Variants in KASH5 observed in about 807,000 individuals in gnomAD.
The protein encoded by KASH5 is KASH domain containing 5.
In KASH5, 72 loss-of-function variants were observed where a neutral mutation model predicts 84.2. The ratio of observed to expected loss-of-function variants is 0.85; its 90% CI spans 0.71 to 1.04. The LOEUF (loss-of-function observed/expected upper bound fraction) is 1.04. Ranked by LOEUF, KASH5 falls within the 50% of genes least tolerant of loss-of-function variation. The pLI, the probability that KASH5 is intolerant of heterozygous loss-of-function variation, is 0.00. For missense variants in KASH5, 650 were observed against 701.0 expected, an observed-to-expected ratio of 0.93 and a Z score of 0.82; for synonymous variants, 260 against 279.1, an observed-to-expected ratio of 0.93 and a Z score of 0.68.
In KASH5 at chr19:49,395,305, A is replaced by G. The variant is rs755047533; in HGVS notation, c.335+13A>G. The stretch of plus-strand genomic sequence containing the variant: ...GTCAACTACATGGGTGAGTCCCCAC[A>G]TCTTCATCCTCCTCTGGGAAGTCCT... On this transcript the variant is annotated intron_variant, in intron 4 of 19. Transcript: ENST00000447857. This position sits in a 1 kb window ranked among gnomAD's most constrained non-coding sequence, Gnocchi z 4.4. 6.2e-7 allele frequency: 1 copy of G among 1,608,736 alleles called. No homozygotes were observed. Among genetic ancestry groups the G allele is most frequent in the East Asian group, 2.2e-5 (1 of 44,822 alleles).
Position 49,395,804 on chromosome 19 carries a change from G to A in KASH5, c.371G>A (p.Gly124Glu). 3 of 1,565,730 alleles carry A rather than the reference G, an allele frequency of 1.9e-6. No homozygotes were observed. The highest frequency in any genetic ancestry group is 2.6e-6 in the Non-Finnish European group (3 of 1,155,198). The change falls in exon 5 of 20, where the codon GGA (glycine) becomes GAA (glutamate). Residue 124 changes from glycine to glutamate, a missense_variant. Transcript: ENST00000447857. This position sits in a 1 kb window ranked among gnomAD's most constrained non-coding sequence, Gnocchi z 4.4. ...LELEEETAFQ[G>E]ALTSRQLPSG... Reference sequence around the variant, plus strand: ...CTGGAAGAGGAGACCGCCTTCCAGGGAGCCCTGACCTCCCGGCAACTGCCA... The same window carrying A: ...CTGGAAGAGGAGACCGCCTTCCAGGAAGCCCTGACCTCCCGGCAACTGCCA...
At chr19:49,403,279 A>C (rs961578204) in intron 9 of KASH5, among the ~76,000 whole-genome samples, 1 of 152,116 alleles carries the variant, frequency 6.6e-6, no homozygotes, top group Admixed American at 6.5e-5. Flanking sequence ...AGGCTGAGGC[A>C]GGAGAATGTC....
At position 49,416,921 on chromosome 19, in the gene KASH5, A is replaced by ACT; in HGVS notation, c.1375-93_1375-92dup. 7.9e-7 allele frequency: 1 copy of ACT among 1,268,638 alleles called. No individual in the cohort carries two copies. 78.6% of individuals were successfully genotyped at this position (1,268,638 alleles called of 1,614,324 possible). The stretch of plus-strand genomic sequence containing the variant: ...ACTCACTTATCTCCTGAGCTCCACC[A>ACT]CTTTCTATGTGGCCACTTGTGTCCA... On this transcript the variant is annotated intron_variant, in intron 17 of 19. Transcript: ENST00000447857. The surrounding 1 kb of genome is among the most constrained non-coding windows in gnomAD (Gnocchi z 5.4).
Position 49,412,916 on chromosome 19 carries a change from G to A in KASH5, c.1270-52G>A. On this transcript the variant is annotated intron_variant, in intron 15 of 19. Transcript: ENST00000447857. The surrounding 1 kb of genome is among the most constrained non-coding windows in gnomAD (Gnocchi z 4.6). ...GGAGACAGTGGGCACTGTTAGGGTT[G>A]GAGCTTTGAGTGAGAAGAATCAGAG... The A allele has an allele frequency of 1.3e-6, 2 of 1,589,800 alleles. No individual in the cohort carries two copies. Among genetic ancestry groups the A allele is most frequent in the Non-Finnish European group, 1.7e-6 (2 of 1,160,476 alleles).
Position 49,394,575 on chromosome 19 carries a change from G to A in KASH5, c.143G>A (p.Arg48Lys). The change falls in exon 3 of 20, where the codon AGG becomes AAG. Residue 48 changes from arginine (R) to lysine (K), a missense_variant. By Grantham distance (26) the Arg-to-Lys change is conservative (BLOSUM62 2). Coordinates refer to ENST00000447857, the MANE Select transcript of KASH5 (RefSeq NM_144688.5). Reference sequence around the variant, plus strand: ...ACGTTCGAAGCTTGTGACCCTCAGAGGACAGGTGGTGGGGGCATGAGGGGT... The same window carrying A: ...ACGTTCGAAGCTTGTGACCCTCAGAAGACAGGTGGTGGGGGCATGAGGGGT... ...NSTFEACDPQ[R>K]TGTVAVAQVL... The A allele has an allele frequency of 6.2e-7, 1 of 1,613,024 alleles. No individual in the cohort carries two copies. Among genetic ancestry groups the A allele is most frequent in the Non-Finnish European group, 8.5e-7 (1 of 1,179,310 alleles).
chr19:49,406,828 G>A lies in KASH5; in HGVS notation c.799-58G>A, dbSNP rs964478614. 4 of 1,468,846 alleles carry A rather than the reference G, an allele frequency of 2.7e-6. No homozygotes were observed. In the African/African-American group the frequency reaches 5.6e-5, roughly 21 times the overall value. 91.0% of individuals were successfully genotyped at this position (1,468,846 alleles called of 1,614,324 possible). A position where few individuals can be genotyped will look rare whatever the true frequency, so the allele number is the denominator to read the frequency against. On this transcript the variant is annotated intron_variant, in intron 9 of 19. Coordinates refer to ENST00000447857, the MANE Select transcript of KASH5 (RefSeq NM_144688.5). ...ATCAAGTGTTTAGCAAATATCTGCT[G>A]TTAATTTTGACATTACCACTTGCTG...
rs1262720013 is a variant in KASH5, at chr19:49,412,896, C to T, written c.1270-72C>T. On this transcript the variant is annotated intron_variant, in intron 15 of 19. Transcript: ENST00000447857. This position sits in a 1 kb window ranked among gnomAD's most constrained non-coding sequence, Gnocchi z 4.6. ...TGGGGTCTGGGACCGGCGGGGGAGA[C>T]AGTGGGCACTGTTAGGGTTGGAGCT... 13 of 1,476,974 alleles carry T rather than the reference C, an allele frequency of 8.8e-6. No individual in the cohort carries two copies. The allele number at this position is 1,476,974 out of a possible 1,614,324, so 91.5% of individuals were successfully genotyped here. A position where few individuals can be genotyped will look rare whatever the true frequency, so the allele number is the denominator to read the frequency against.
Position 49,394,540 on chromosome 19 carries a change from A to T in KASH5, c.108A>T (p.Ile36=). The T allele has an allele frequency of 6.2e-7, 1 of 1,613,384 alleles. No homozygotes were observed. Among genetic ancestry groups the T allele is most frequent in the Non-Finnish European group, 8.5e-7 (1 of 1,179,790 alleles). ...TGCCGGTCAGCTTGGAGGAGCAAAT[A>T]CTCAACTCCACGTTCGAAGCTTGTG... is the stretch of plus-strand genomic sequence containing the variant. ...LGMPVSLEEQ[I]LNSTFEACDP... The change falls in exon 3 of 20, where the codon ATA becomes ATT. Residue 36 remains isoleucine (I), a synonymous_variant. Transcript: ENST00000447857.
chr19:49,398,150 T>C lies in KASH5; in HGVS notation c.629+7T>C. On this transcript the variant is annotated splice_region_variant and intron_variant, in intron 7 of 19. Coordinates refer to ENST00000447857, the MANE Select transcript of KASH5 (RefSeq NM_144688.5). ...TGCGTAAGCAGCTTCACAGGTGGGCTGGATGCCACACCCACCCTCCCCAGC... is the reference window on the plus strand; with the variant it reads ...TGCGTAAGCAGCTTCACAGGTGGGCCGGATGCCACACCCACCCTCCCCAGC... 1 of 1,563,292 alleles carries C rather than the reference T, an allele frequency of 6.4e-7. No individual in the cohort carries two copies. Among genetic ancestry groups the C allele is most frequent in the Non-Finnish European group, 8.7e-7 (1 of 1,147,946 alleles).
intron 17 of KASH5, chr19:49,415,285 C>T: frequency 3.9e-6 from 2 of 513,750 alleles, no homozygotes; most frequent in South Asian, 2.1e-5. Context: ...GACGTGGCTA[C>T]ACCCCCGGAT....
rs114825630 is a variant in KASH5 at position 49,401,679 on chromosome 19, T to A, written c.798+2172T>A. Among the ~76,000 whole-genome samples, 679 of 152,346 alleles carry A rather than the reference T, an allele frequency of 4.5e-3. 5 individuals carry two copies. Among genetic ancestry groups the A allele is most frequent in the African/African-American group, 0.015 (640 of 41,574 alleles). On this transcript the variant is annotated intron_variant, in intron 9 of 19. Coordinates refer to ENST00000447857, the MANE Select transcript of KASH5 (RefSeq NM_144688.5). The stretch of plus-strand genomic sequence containing the variant: ...GAAAACTCTGGGCTCATTTTCAGCC[T>A]ATTCTCTTCTCTGTCTGTCCTGCAT...
rs1408970548 is a variant in KASH5, at chr19:49,414,170, T to A, written c.1329-781T>A. Reference sequence around the variant, plus strand: ...CCGAGGCAGGGTCAGGAGCCAGATCTCCTCCTAGACCGAGACTCGCTGAGG... The same window carrying A: ...CCGAGGCAGGGTCAGGAGCCAGATCACCTCCTAGACCGAGACTCGCTGAGG... On this transcript the variant is annotated intron_variant, in intron 16 of 19. Coordinates refer to ENST00000447857, the MANE Select transcript of KASH5 (RefSeq NM_144688.5). The surrounding 1 kb of genome is among the most constrained non-coding windows in gnomAD (Gnocchi z 4.5). Among the ~76,000 whole-genome samples the A allele has an allele frequency of 6.6e-6, 1 of 152,010 alleles. No homozygotes were observed. Among genetic ancestry groups the A allele is most frequent in the Non-Finnish European group, 1.5e-5 (1 of 67,978 alleles).
chr19:49,395,209 TG>T lies in KASH5; in HGVS notation c.256del (p.Glu86ArgfsTer29), dbSNP rs766521894. 8.4e-5 allele frequency: 135 copies of T among 1,612,126 alleles called. No individual in the cohort carries two copies. Among genetic ancestry groups the T allele is most frequent in the Admixed American group, 1.3e-4 (8 of 59,408 alleles). The stretch of plus-strand genomic sequence containing the variant: ...CATTGGCCAACAGCCTGGACCCCAA[TG>T]GGGAGGGCCCTAAGGCCACTGTGGA... ...QTLANSLDPN[G>X]EGPKATVDLD... On this transcript the variant is annotated frameshift_variant, in exon 4 of 20. Transcript: ENST00000447857. LOFTEE classifies it high-confidence loss of function. This position sits in a 1 kb window ranked among gnomAD's most constrained non-coding sequence, Gnocchi z 4.4.
In KASH5 at chr19:49,410,921, CT is replaced by C. The variant is rs1014279829; in HGVS notation, c.1269+1058del. 1.1e-3 allele frequency among the ~76,000 whole-genome samples: 160 copies of C among 143,514 alleles called. 1 individual carries two copies. Among genetic ancestry groups the C allele is most frequent in the Non-Finnish European group, 1.0e-3 (67 of 65,124 alleles). The allele number at this position is 143,514 out of a possible 152,430, so 94.2% of individuals were successfully genotyped here. The stretch of plus-strand genomic sequence containing the variant: ...TACAAGCATGAGCCACTGCACCTGG[CT>C]TTTTTTTTTTTAATTAATTAATTTA... On this transcript the variant is annotated intron_variant, in intron 15 of 19. Transcript: ENST00000447857.
rs147605929 is a variant in KASH5 at position 49,403,475 on chromosome 19, C to T, written c.799-3411C>T. 1.5e-3 allele frequency among the ~76,000 whole-genome samples: 222 copies of T among 152,292 alleles called. 1 individual carries two copies. The highest frequency in any genetic ancestry group is 5.1e-3 in the African/African-American group (213 of 41,576). ...CCCAGCAGCTCTTACATCTCACTGG[C>T]CAGAACTGGCTGACATAACGCCCCC... On this transcript the variant is annotated intron_variant, in intron 9 of 19. Transcript: ENST00000447857.
At position 49,409,869 on chromosome 19, in the gene KASH5, G is replaced by C; in HGVS notation, c.1263G>C (p.Gly421=). ...AGTTTCCATCTGAAGCCCCAGCTGGGGGACAGGTGAGCACAGGAAAAGCTC... is the reference window on the plus strand; with the variant it reads ...AGTTTCCATCTGAAGCCCCAGCTGGCGGACAGGTGAGCACAGGAAAAGCTC... ...ETEFPSEAPA[G]GQRNFQGEPA... The change falls in exon 15 of 20, where the codon GGG becomes GGC. Residue 421 remains glycine (G), a synonymous_variant. Transcript: ENST00000447857. 1 of 1,613,594 alleles carries C rather than the reference G, an allele frequency of 6.2e-7. No homozygotes were observed. Among genetic ancestry groups the C allele is most frequent in the East Asian group, 2.2e-5 (1 of 44,870 alleles).
At chr19:49,411,358 T>C (rs938812027) in intron 15 of KASH5, among the ~76,000 whole-genome samples, 6 of 152,196 alleles carry the variant, frequency 3.9e-5, no homozygotes, top group African/African-American at 1.4e-4. Flanking sequence ...GAGAGACTCA[T>C]TTCTCTGATC....
Position 49,412,833 on chromosome 19 carries a change from T to G in KASH5, c.1270-135T>G. On this transcript the variant is annotated intron_variant, in intron 15 of 19. Transcript: ENST00000447857. This position sits in a 1 kb window ranked among gnomAD's most constrained non-coding sequence, Gnocchi z 4.6. ...AGGGCAGGTTGTAGAAGGTGGTGAA[T>G]TCATGTGTAGGTTGCAGCCTGGAAG... 2 of 747,588 alleles carry G rather than the reference T, an allele frequency of 2.7e-6. No individual in the cohort carries two copies. The highest frequency in any genetic ancestry group is 4.5e-6 in the Non-Finnish European group (2 of 446,232). The allele number at this position is 747,588 out of a possible 1,614,324, so 46.3% of individuals were successfully genotyped here. A position where few individuals can be genotyped will look rare whatever the true frequency, so the allele number is the denominator to read the frequency against.
chr19:49,409,345 C>A, intron 14 of KASH5, 62 bp downstream of exon 14: 1 of 1,515,934 alleles, frequency 6.6e-7, no homozygotes, highest in Non-Finnish European at 9.0e-7. Context: ...AAACATCTCC[C>A]TACTCTGATC....
Sources: allele counts gnomAD v4.1 joint callset (sites outside exome capture counted in the v4.1 genomes callset), GRCh38; gene constraint gnomAD v4.1.1; non-coding constraint Gnocchi (gnomAD v3.1); transcripts MANE v1.5; gene names NCBI Gene and HGNC (gene_info 2026-07-23, HGNC 2026-07-21).